The following TSPAN18 variants were observed in gnomAD, a reference collection of about 807,000 sequenced individuals.
TSPAN18 encodes tetraspanin 18.
TSPAN18 carries 14 observed loss-of-function variants against 27.3 expected under a neutral mutation model. The ratio of observed to expected loss-of-function variants is 0.51; its 90% CI spans 0.34 to 0.80. The LOEUF is 0.80. Among genes scored for constraint, TSPAN18 ranks in the 30% least tolerant of loss-of-function variants. The pLI is 0.01. For synonymous variants in TSPAN18, 143 were observed against 136.5 expected (o/e 1.05, Z -0.33); for missense variants, 268 against 323.9 (o/e 0.83, Z 1.32).
At chr11:44,883,508 G>A (rs144401014) in intron 3 of TSPAN18, among the ~76,000 whole-genome samples, 7 of 152,360 alleles carry the variant, frequency 4.6e-5, no homozygotes, top group African/African-American at 1.4e-4. Context: ...GTTACAGGGT[G>A]TGCTGAGGCT....
At chr11:44,873,431 A>G (rs1485627011) in intron 3 of TSPAN18, among the ~76,000 whole-genome samples, 2 of 152,228 alleles carry the variant, frequency 1.3e-5, no homozygotes, top group East Asian at 3.8e-4. Flanking sequence ...CAGAGATTGC[A>G]TGGCAGCTCC....
rs546847346 is a variant in TSPAN18, at chr11:44,756,745, TC to T, written c.-239-7679del. 2.9e-4 allele frequency among the ~76,000 whole-genome samples: 44 copies of T among 152,342 alleles called. 1 individual carries two copies. The South Asian group carries it at 8.7e-3, about 30-fold the overall frequency. ...ATCTATGTTGCAGCGTGTCAGAATT[TC>T]CTTCTTTTTTAAGGTTCACTAATAC... On this transcript the variant is annotated intron_variant, in intron 1 of 9. Coordinates refer to ENST00000520358, the MANE Select transcript of TSPAN18 (RefSeq NM_130783.5).
intron 1 of TSPAN18, among the ~76,000 whole-genome samples, chr11:44,751,536 C>T (rs1855210409): frequency 6.6e-6 from 1 of 152,158 alleles, no homozygotes; most frequent in African/African-American, 2.4e-5. Context: ...AGGCAGTTTG[C>T]ATTACCTGTT....
At chr11:44,913,527 A>G (rs1859799008) in intron 5 of TSPAN18, among the ~76,000 whole-genome samples, 1 of 152,240 alleles carries the variant, frequency 6.6e-6, no homozygotes, top group Non-Finnish European at 1.5e-5. Flanking sequence ...TCTAATTTTA[A>G]AAATATTTTA....
At chr11:44,818,812 A>G (rs1437402286) in intron 2 of TSPAN18, among the ~76,000 whole-genome samples, 2 of 152,212 alleles carry the variant, frequency 1.3e-5, no homozygotes, top group Non-Finnish European at 2.9e-5. Context: ...AGCCTGTCAT[A>G]TAAGGGGGGA....
chr11:44,745,889 T>C (rs903352578), intron 1 of TSPAN18, among the ~76,000 whole-genome samples: 24 of 152,056 alleles, frequency 1.6e-4, no homozygotes, highest in Non-Finnish European at 3.4e-4. Flanking sequence ...TAGCCGGGCG[T>C]GGTTGCAGGC....
intron 3 of TSPAN18, among the ~76,000 whole-genome samples, chr11:44,897,009 G>A (rs1590649476): frequency 6.6e-6 from 1 of 152,082 alleles, no homozygotes; most frequent in African/African-American, 2.4e-5. Flanking sequence ...GCTCGTACTT[G>A]GAGGGATTTT....
At chr11:44,920,591 C>A (rs887860980) in intron 8 of TSPAN18, among the ~76,000 whole-genome samples, 4 of 152,174 alleles carry the variant, frequency 2.6e-5, no homozygotes, top group African/African-American at 9.7e-5. Context: ...GCCCACACAC[C>A]CTTATGAGTT....
chr11:44,811,324 A>G (rs1856711251), intron 2 of TSPAN18, among the ~76,000 whole-genome samples: 1 of 152,188 alleles, frequency 6.6e-6, no homozygotes, highest in Admixed American at 6.5e-5. Flanking sequence ...TTAGATAGTC[A>G]GCATCTATCT....
At chr11:44,823,023 A>G (rs566200012) in intron 2 of TSPAN18, among the ~76,000 whole-genome samples, 1 of 152,342 alleles carries the variant, frequency 6.6e-6, no homozygotes. Flanking sequence ...CTTCTGGCCT[A>G]TAGTCAGCCC....
At chr11:44,814,376 C>T (rs1271745794) in intron 2 of TSPAN18, among the ~76,000 whole-genome samples, 2 of 152,134 alleles carry the variant, frequency 1.3e-5, no homozygotes, top group Non-Finnish European at 2.9e-5. Flanking sequence ...AACTCACTGT[C>T]TTGTCTTGAG....
intron 3 of TSPAN18, among the ~76,000 whole-genome samples, chr11:44,870,096 T>C (rs769185058): frequency 1.3e-5 from 2 of 152,220 alleles, no homozygotes; most frequent in Non-Finnish European, 2.9e-5. Flanking sequence ...TTTATAGAGG[T>C]ATAATTTACA....
intron 8 of TSPAN18, among the ~76,000 whole-genome samples, chr11:44,924,562 G>A (rs1462450155): frequency 6.6e-6 from 1 of 152,146 alleles, no homozygotes; most frequent in Non-Finnish European, 1.5e-5. Flanking sequence ...CAGGAGGTGG[G>A]ATTATGTCCC....
intron 1 of TSPAN18, among the ~76,000 whole-genome samples, chr11:44,728,601 G>A (rs1336950051): frequency 6.6e-6 from 1 of 152,068 alleles, no homozygotes; most frequent in Non-Finnish European, 1.5e-5. Context: ...AGCAGTCAAC[G>A]AGCCCTGGCC....
intron 1 of TSPAN18, among the ~76,000 whole-genome samples, chr11:44,743,883 G>T (rs893082343): frequency 1.3e-5 from 2 of 152,332 alleles, no homozygotes; most frequent in Admixed American, 1.3e-4. Context: ...CGAGTACCCG[G>T]TTTGGGGTAC....
At chr11:44,835,749 A>G (rs1179109562) in intron 2 of TSPAN18, among the ~76,000 whole-genome samples, 3 of 152,242 alleles carry the variant, frequency 2.0e-5, no homozygotes, top group Admixed American at 6.5e-5. Context: ...GCAACTGTGC[A>G]TAGAGCAAAT....
intron 1 of TSPAN18, among the ~76,000 whole-genome samples, chr11:44,740,565 G>A (rs572644484): frequency 9.4e-4 from 143 of 152,234 alleles, no homozygotes; most frequent in Non-Finnish European, 1.6e-3. Context: ...CGTAGTGGCC[G>A]AGCTCAGAGG....
chr11:44,825,169 G>A (rs894608868), intron 2 of TSPAN18, among the ~76,000 whole-genome samples: 2 of 152,038 alleles, frequency 1.3e-5, no homozygotes, highest in African/African-American at 2.4e-5. Flanking sequence ...ATCAAAGGAG[G>A]GCAGAGCTCC....
Position 44,821,036 on chromosome 11 carries a change from C to T in TSPAN18, c.-152-39292C>T, listed in dbSNP as rs556245398. 1.2e-4 allele frequency among the ~76,000 whole-genome samples: 19 copies of T among 152,282 alleles called. No homozygotes were observed. The South Asian group carries it at 3.9e-3, about 32-fold the overall frequency. On this transcript the variant is annotated intron_variant, in intron 2 of 9. Transcript: ENST00000520358. ...CCCAGTCTCAGGTATTCCTCCAGAG[C>T]AATACATATGGACTAATACAATGAG...
Sources: gnomAD v4.1 joint callset for allele counts (sites outside exome capture counted in the v4.1 genomes callset) on GRCh38, gnomAD v4.1.1 for gene constraint, MANE v1.5 for transcripts, NCBI Gene and HGNC (gene_info 2026-07-23, HGNC 2026-07-21) for gene names.